MNAT1: variants seen among roughly 807,000 people sequenced by gnomAD.
MNAT1 encodes MNAT1 component of CDK activating kinase.
MNAT1 carries 43 observed loss-of-function variants against 42.0 expected under a neutral mutation model. That is an observed-to-expected ratio of 1.02 (90% CI 0.80 to 1.32). The LOEUF is 1.32. MNAT1 is among the 40% of genes most tolerant of loss of function. The pLI, the probability that MNAT1 is intolerant of heterozygous loss-of-function variation, is 0.00. For missense variants in MNAT1, 306 were observed against 350.4 expected (o/e 0.87, Z 1.01); for synonymous variants, 118 against 120.0 (o/e 0.98, Z 0.11).
intron 3 of MNAT1, among the ~76,000 whole-genome samples, chr14:60,808,119 A>G (rs921679257): frequency 1.1e-4 from 16 of 152,198 alleles, no homozygotes; most frequent in Middle Eastern, 3.4e-3. Flanking sequence ...TGCGAGTCAG[A>G]CAGTCTGTCC....
chr14:60,856,386 A>G (rs752087645), intron 6 of MNAT1, among the ~76,000 whole-genome samples: 5 of 152,234 alleles, frequency 3.3e-5, no homozygotes, highest in Non-Finnish European at 5.9e-5. Context: ...CTTCAGTCCT[A>G]TGAAGACTGA....
Position 60,836,343 on chromosome 14 carries a change from T to A in MNAT1, c.687+17496T>A, listed in dbSNP as rs370353304. Among the ~76,000 whole-genome samples the A allele has an allele frequency of 4.2e-4, 64 of 152,204 alleles. 1 individual carries two copies. The highest frequency in any genetic ancestry group is 2.1e-3 in the East Asian group (11 of 5,188). The stretch of plus-strand genomic sequence containing the variant: ...ATGCTTTTTGGAATTTTCAGCCTTT[T>A]TGCACTGGTTTTTCTTCATCTTTGT... On this transcript the variant is annotated intron_variant, in intron 6 of 7. Transcript: ENST00000261245.
At chr14:60,808,175 T>A in intron 3 of MNAT1, 150 bp from the exon 4 acceptor site, 1 of 501,662 alleles carries the variant, frequency 2.0e-6, no homozygotes, top group Non-Finnish European at 3.5e-6. Context: ...AGAGCTAGTC[T>A]CTAAAATAGG....
At chr14:60,905,649 G>T (rs2035180491) in intron 7 of MNAT1, among the ~76,000 whole-genome samples, 1 of 152,154 alleles carries the variant, frequency 6.6e-6, no homozygotes, top group African/African-American at 2.4e-5. Context: ...GACTTAGCGG[G>T]GGTGGAGGTG....
At chr14:60,915,904 C>G (rs2035502197) in intron 7 of MNAT1, among the ~76,000 whole-genome samples, 1 of 152,168 alleles carries the variant, frequency 6.6e-6, no homozygotes, top group Admixed American at 6.5e-5. Context: ...TTCTTACTGT[C>G]CTGTTTACTG....
At chr14:60,960,454 G>A (rs2036567457) in intron 7 of MNAT1, among the ~76,000 whole-genome samples, 3 of 151,694 alleles carry the variant, frequency 2.0e-5, no homozygotes. Context: ...CTAAATTCTG[G>A]TAACTCCAAA....
At chr14:60,842,490 TCA>T (rs1320893348) in intron 6 of MNAT1, among the ~76,000 whole-genome samples, 1 of 152,224 alleles carries the variant, frequency 6.6e-6, no homozygotes, top group African/African-American at 2.4e-5. Flanking sequence ...CCCTTGGGGC[TCA>T]CAGTTCTGTA....
intron 7 of MNAT1, among the ~76,000 whole-genome samples, chr14:60,914,370 C>T (rs536376963): frequency 1.8e-4 from 28 of 152,300 alleles, no homozygotes; most frequent in Admixed American, 1.2e-3. Context: ...GAGATGAACC[C>T]GGTAGCTCAG....
intron 7 of MNAT1, among the ~76,000 whole-genome samples, chr14:60,925,159 C>G (rs1236937163): frequency 6.6e-6 from 1 of 152,120 alleles, no homozygotes; most frequent in Non-Finnish European, 1.5e-5. Context: ...AAACAATACA[C>G]GACAACACCT....
chr14:60,830,118 CTTAAA>C (rs2033173744), intron 6 of MNAT1, among the ~76,000 whole-genome samples: 2 of 152,056 alleles, frequency 1.3e-5, no homozygotes, highest in South Asian at 4.1e-4. Flanking sequence ...GTATGGAAGA[CTTAAA>C]TTAAACCTAG....
intron 7 of MNAT1, among the ~76,000 whole-genome samples, chr14:60,935,891 G>A (rs1383280881): frequency 2.6e-5 from 4 of 152,110 alleles, no homozygotes; most frequent in Non-Finnish European, 4.4e-5. Flanking sequence ...CTCTTGTCAC[G>A]CAACCAGGGA....
At chr14:60,925,651 C>G (rs2035751051) in intron 7 of MNAT1, among the ~76,000 whole-genome samples, 1 of 152,118 alleles carries the variant, frequency 6.6e-6, no homozygotes, top group Non-Finnish European at 1.5e-5. Flanking sequence ...TCTTACGTTT[C>G]TTATAAAACC....
chr14:60,906,033 G>C (rs1308134473), intron 7 of MNAT1, among the ~76,000 whole-genome samples: 1 of 152,156 alleles, frequency 6.6e-6, no homozygotes, highest in Non-Finnish European at 1.5e-5. Context: ...GCTATTTTTG[G>C]TGATTGAAAT....
intron 7 of MNAT1, among the ~76,000 whole-genome samples, chr14:60,920,400 T>C (rs2035631236): frequency 6.6e-6 from 1 of 152,182 alleles, no homozygotes; most frequent in Non-Finnish European, 1.5e-5. Context: ...TTTTTTCCTT[T>C]CCATTATGGA....
At chr14:60,830,754 C>T (rs1416073052) in intron 6 of MNAT1, among the ~76,000 whole-genome samples, 1 of 148,300 alleles carries the variant, frequency 6.7e-6, no homozygotes, top group Non-Finnish European at 1.5e-5. Flanking sequence ...AATTCCTATA[C>T]AATTTTTATT....
At chr14:60,768,151 T>G (rs1209247882) in intron 1 of MNAT1, among the ~76,000 whole-genome samples, 1 of 152,212 alleles carries the variant, frequency 6.6e-6, no homozygotes, top group Non-Finnish European at 1.5e-5. Flanking sequence ...TCCACCTGCT[T>G]CGACCTCCCA....
chr14:60,887,027 C>T (rs944294241), intron 7 of MNAT1, among the ~76,000 whole-genome samples: 2 of 151,990 alleles, frequency 1.3e-5, no homozygotes, highest in African/African-American at 4.8e-5. Flanking sequence ...TTGTTCAGGA[C>T]ATTTTATTCT....
intron 7 of MNAT1, among the ~76,000 whole-genome samples, chr14:60,950,405 A>G (rs2036358719): frequency 6.6e-6 from 1 of 152,204 alleles, no homozygotes; most frequent in African/African-American, 2.4e-5. Context: ...GTCATTTTCC[A>G]CTATATACCC....
intron 7 of MNAT1, among the ~76,000 whole-genome samples, chr14:60,928,306 C>A (rs1279509805): frequency 6.6e-6 from 1 of 152,116 alleles, no homozygotes; most frequent in Non-Finnish European, 1.5e-5. Context: ...ACTTTTTGGA[C>A]ACCATTAATA....
Sources: gnomAD v4.1 joint callset for allele counts (sites outside exome capture counted in the v4.1 genomes callset) on GRCh38, gnomAD v4.1.1 for gene constraint, MANE v1.5 for transcripts, NCBI Gene and HGNC (gene_info 2026-07-23, HGNC 2026-07-21) for gene names.